Variants in CACNA2D1 observed in about 807,000 individuals in gnomAD.
CACNA2D1 encodes the protein calcium voltage-gated channel auxiliary subunit alpha2delta 1, also known as voltage-dependent calcium channel subunit alpha-2/delta-1.
Under a neutral mutation model 171.5 loss-of-function variants are expected in CACNA2D1, and 53 were observed. That is an observed-to-expected ratio of 0.31 (90% CI 0.25 to 0.39). The LOEUF (loss-of-function observed/expected upper bound fraction) is 0.39. CACNA2D1 is among the 10% of genes least tolerant of loss of function. CACNA2D1 has a pLI of 1.00. For missense variants in CACNA2D1, 903 were observed against 1,299.8 expected (o/e 0.69, Z 4.69); for synonymous variants, 442 against 443.1 (o/e 1.00, Z 0.03).
At chr7:82,252,884 C>T (rs984908253) in intron 3 of CACNA2D1, among the ~76,000 whole-genome samples, 8 of 150,490 alleles carry the variant, frequency 5.3e-5, no homozygotes, top group Non-Finnish European at 1.2e-4. Context: ...AGTGAGAATT[C>T]GTCAGAAAAA....
intron 1 of CACNA2D1, among the ~76,000 whole-genome samples, chr7:82,351,747 T>C (rs565448716): frequency 2.0e-5 from 3 of 152,264 alleles, no homozygotes; most frequent in South Asian, 2.1e-4. Context: ...TTGTGCCCCA[T>C]TTTTATATTA....
At chr7:82,055,601 A>G (rs1040063479) in intron 10 of CACNA2D1, among the ~76,000 whole-genome samples, 1 of 151,664 alleles carries the variant, frequency 6.6e-6, no homozygotes, top group Non-Finnish European at 1.5e-5. Flanking sequence ...TGATGAGTTC[A>G]TGTCCTTTGT....
At chr7:82,014,517 T>C in intron 12 of CACNA2D1, 38 bp from the exon 13 acceptor site, 1 of 1,077,248 alleles carries the variant, frequency 9.3e-7, no homozygotes, top group South Asian at 1.3e-5. Context: ...TTAGGCTGAA[T>C]AAAATTTAAT....
chr7:82,441,831 A>T (rs940348910), intron 1 of CACNA2D1, among the ~76,000 whole-genome samples: 1 of 152,228 alleles, frequency 6.6e-6, no homozygotes, highest in African/African-American at 2.4e-5. Flanking sequence ...GACTCATTTG[A>T]GTTCTCACTT....
intron 1 of CACNA2D1, among the ~76,000 whole-genome samples, chr7:82,387,817 A>G (rs1824584520): frequency 6.6e-6 from 1 of 152,160 alleles, no homozygotes; most frequent in Admixed American, 6.5e-5. Flanking sequence ...GCACTGGCTC[A>G]TGCTTGTAAT....
chr7:82,081,529 A>G (rs1267318288), intron 7 of CACNA2D1, among the ~76,000 whole-genome samples: 1 of 152,222 alleles, frequency 6.6e-6, no homozygotes, highest in African/African-American at 2.4e-5. Flanking sequence ...GGCTATTTTA[A>G]TGACCTTCCT....
intron 18 of CACNA2D1, among the ~76,000 whole-genome samples, chr7:82,004,620 G>C (rs1798943315): frequency 6.6e-6 from 1 of 152,030 alleles, no homozygotes; most frequent in African/African-American, 2.4e-5. Context: ...CCATGACTCG[G>C]GAGAAAGTAG....
At chr7:82,407,702 T>G (rs1649819753) in intron 1 of CACNA2D1, among the ~76,000 whole-genome samples, 1 of 152,156 alleles carries the variant, frequency 6.6e-6, no homozygotes, top group Non-Finnish European at 1.5e-5. Context: ...CATACTATAG[T>G]GTATTAAATA....
At chr7:82,109,288 C>T (rs1381410901) in intron 6 of CACNA2D1, among the ~76,000 whole-genome samples, 1 of 152,096 alleles carries the variant, frequency 6.6e-6, no homozygotes, top group Non-Finnish European at 1.5e-5. Context: ...GAAGGTCCTA[C>T]TGATGAAAAC....
intron 3 of CACNA2D1, among the ~76,000 whole-genome samples, chr7:82,198,704 T>C (rs896348204): frequency 2.0e-5 from 3 of 152,000 alleles, no homozygotes; most frequent in Admixed American, 2.0e-4. Context: ...CCTTGCTTTC[T>C]GGAATTCCCA....
At chr7:82,310,641 A>G (rs1814337226) in intron 3 of CACNA2D1, among the ~76,000 whole-genome samples, 1 of 152,114 alleles carries the variant, frequency 6.6e-6, no homozygotes, top group Non-Finnish European at 1.5e-5. Flanking sequence ...CTTTTAGGAA[A>G]ACTTCAAAAA....
chr7:82,198,055 CATGGTCCCAGGAGAATGCCATT>C (rs1799031052), intron 3 of CACNA2D1, among the ~76,000 whole-genome samples: 1 of 152,068 alleles, frequency 6.6e-6, no homozygotes, highest in Non-Finnish European at 1.5e-5. Context: ...TGAATGAGCT[CATGGTCCCAGGAGAATGCCATT>C]CATTTCTATA....
intron 7 of CACNA2D1, among the ~76,000 whole-genome samples, chr7:82,075,941 T>TAAATTTTTTAGTAA (rs1407925855): frequency 2.0e-5 from 3 of 152,178 alleles, no homozygotes; most frequent in African/African-American, 7.2e-5. Context: ...TTTTTAGCAA[T>TAAATTTTTTAGTAA]ACTTATTTAC....
intron 34 of CACNA2D1, 147 bp from the exon 35 acceptor site, chr7:81,962,642 A>G: frequency 1.6e-6 from 1 of 642,962 alleles, no homozygotes; most frequent in Non-Finnish European, 2.8e-6. Context: ...AAAATTATAT[A>G]ACACATTGTA....
In CACNA2D1 at chr7:81,964,241, G is replaced by A; in HGVS notation, c.2693C>T (p.Pro898Leu). 1 of 1,612,710 alleles carries A rather than the reference G, an allele frequency of 6.2e-7. No individual in the cohort carries two copies. The highest frequency in any genetic ancestry group is 8.5e-7 in the Non-Finnish European group (1 of 1,179,212). Residue 898 changes from proline (P) to leucine (L), a missense_variant, in exon 33 of 39, where the codon CCA (proline) becomes CTA (leucine). Transcript: ENST00000356860. ...YQSVCEPGAA[P>L]KQGAGHRSAY... is the part of the protein sequence containing the mutation. ...TGAGCGATGTCCTGCTCCTTGTTTT[G>A]GTGCAGCACCGGGCTCACATACTGA...
intron 12 of CACNA2D1, among the ~76,000 whole-genome samples, chr7:82,018,548 C>A (rs1444529456): frequency 2.0e-5 from 3 of 152,196 alleles, no homozygotes; most frequent in East Asian, 1.9e-4. Context: ...AGGTAAACAA[C>A]TTTTTAGGCA....
intron 3 of CACNA2D1, among the ~76,000 whole-genome samples, chr7:82,296,988 A>C (rs1812362936): frequency 6.8e-6 from 1 of 147,562 alleles, no homozygotes. Context: ...TAATCTCAGC[A>C]TTATGGGAGG....
chr7:82,391,724 T>C (rs1456500130), intron 1 of CACNA2D1, among the ~76,000 whole-genome samples: 1 of 152,176 alleles, frequency 6.6e-6, no homozygotes, highest in African/African-American at 2.4e-5. Flanking sequence ...GGGGATTCCT[T>C]AAGGGAGATC....
At chr7:82,083,283 C>T (rs1423372962) in intron 7 of CACNA2D1, among the ~76,000 whole-genome samples, 1 of 151,934 alleles carries the variant, frequency 6.6e-6, no homozygotes, top group East Asian at 1.9e-4. Context: ...TAGGATAGGA[C>T]ATCAGATATC....
Sources: gnomAD v4.1 joint callset for allele counts (sites outside exome capture counted in the v4.1 genomes callset) on GRCh38, gnomAD v4.1.1 for gene constraint, MANE v1.5 for transcripts, NCBI Gene and HGNC (gene_info 2026-07-23, HGNC 2026-07-21) for gene names.